Variants in ZNF471 observed in about 807,000 individuals in gnomAD.
The protein encoded by ZNF471 is EZFIT-related protein 1.
A neutral mutation model predicts 13.7 loss-of-function variants in ZNF471; 7 were observed. That is an observed-to-expected ratio of 0.51 (90% CI 0.29 to 0.96). The LOEUF (loss-of-function observed/expected upper bound fraction) is 0.96. Ranked by LOEUF, ZNF471 falls within the 40% of genes least tolerant of loss-of-function variation. The pLI, the probability that ZNF471 is intolerant of heterozygous loss-of-function variation, is 0.08. For missense variants in ZNF471, 663 were observed against 743.3 expected, an observed-to-expected ratio of 0.89 and a Z score of 1.26; for synonymous variants, 218 against 235.6, an observed-to-expected ratio of 0.93 and a Z score of 0.68.
rs367966722 is a variant in ZNF471, at chr19:56,516,227, T to C, written c.34-48T>C. The C allele has an allele frequency of 2.5e-6, 4 of 1,598,624 alleles. No individual in the cohort carries two copies. The African/African-American group carries it at 4.0e-5, about 16-fold the overall frequency. On this transcript the variant is annotated intron_variant, in intron 2 of 4. Coordinates refer to ENST00000308031, the MANE Select transcript of ZNF471 (RefSeq NM_020813.4). This position sits in a 1 kb window ranked among gnomAD's most constrained non-coding sequence, Gnocchi z 4.4. ...GACACTTTGGATCAACTCAGAGTTATCTTTGGACACGAGCATTGGTTGGTT... is the reference window on the plus strand; with the variant it reads ...GACACTTTGGATCAACTCAGAGTTACCTTTGGACACGAGCATTGGTTGGTT...
Position 56,522,544 on chromosome 19 carries a change from G to A in ZNF471, c.257-1780G>A, listed in dbSNP as rs2043987717. Among the ~76,000 whole-genome samples, 1 of 152,042 alleles carries A rather than the reference G, an allele frequency of 6.6e-6. No individual in the cohort carries two copies. The highest frequency in any genetic ancestry group is 1.5e-5 in the Non-Finnish European group (1 of 68,010). On this transcript the variant is annotated intron_variant, in intron 4 of 4. Coordinates refer to ENST00000308031, the MANE Select transcript of ZNF471 (RefSeq NM_020813.4). The surrounding 1 kb of genome is among the most constrained non-coding windows in gnomAD (Gnocchi z 4.1). ...TTGCTTAGGAAATATTGGATTAGTCGATGATTTGCTATGGATGACATAGAA... is the reference window on the plus strand; with the variant it reads ...TTGCTTAGGAAATATTGGATTAGTCAATGATTTGCTATGGATGACATAGAA...
At position 56,524,669 on chromosome 19, in the gene ZNF471, T is replaced by C. The variant is rs1316616047; in HGVS notation, c.602T>C (p.Val201Ala). Residue 201 changes from valine to alanine, a missense_variant, in exon 5 of 5, where the codon GTA (valine) becomes GCA (alanine). By Grantham distance (64) the Val-to-Ala change is moderately conservative. Transcript: ENST00000308031. This position sits in a 1 kb window ranked among gnomAD's most constrained non-coding sequence, Gnocchi z 4.8. ...GTAATAAAACACAAGAAAGTCTATG[T>C]AGGAAAGAAGCTTTTTAAATGTAAT... ...SMVIKHKKVY[V>A]GKKLFKCNEC... 6.3e-7 allele frequency: 1 copy of C among 1,581,066 alleles called. No individual in the cohort carries two copies.
At position 56,518,596 on chromosome 19, in the gene ZNF471, G is replaced by T. The variant is rs772172737; in HGVS notation, c.256+19G>T. ...TTCTCAGGTGAGTGTGGAAGAACCA[G>T]AGAGGGGAATCTTTTTGACATAATG... On this transcript the variant is annotated intron_variant, in intron 4 of 4. Coordinates refer to ENST00000308031, the MANE Select transcript of ZNF471 (RefSeq NM_020813.4). The T allele has an allele frequency of 1.9e-5, 31 of 1,602,772 alleles. No homozygotes were observed. Among genetic ancestry groups the T allele is most frequent in the Non-Finnish European group, 2.6e-5 (30 of 1,172,750 alleles).
chr19:56,520,617 G>A (rs994059117), intron 4 of ZNF471, among the ~76,000 whole-genome samples: 1 of 152,140 alleles, frequency 6.6e-6, no homozygotes, highest in East Asian at 1.9e-4. Flanking sequence ...GACCTTGGGA[G>A]GTGATTAGGT....
In ZNF471 at chr19:56,516,361, G is replaced by A; in HGVS notation, c.120G>A (p.Arg40=). 1 of 1,613,854 alleles carries A rather than the reference G, an allele frequency of 6.2e-7. No individual in the cohort carries two copies. Among genetic ancestry groups the A allele is most frequent in the Non-Finnish European group, 8.5e-7 (1 of 1,179,814 alleles). The change falls in exon 3 of 5, where the codon AGG becomes AGA. Residue 40 remains arginine (R), a synonymous_variant. Transcript: ENST00000308031. This position sits in a 1 kb window ranked among gnomAD's most constrained non-coding sequence, Gnocchi z 4.4. ...WMNPAQKRLY[R]SMMLENYQSL... ...ACCCTGCTCAGAAGCGTTTATACAG[G>A]AGTATGATGTTGGAGAACTATCAGA... is the stretch of plus-strand genomic sequence containing the variant.
In ZNF471 at chr19:56,525,515, G is replaced by T; in HGVS notation, c.1448G>T (p.Gly483Val). The change falls in exon 5 of 5, where the codon GGT (glycine) becomes GTT (valine). Residue 483 changes from glycine (G) to valine (V), a missense_variant. Physicochemically the swap from Gly to Val is moderately radical, Grantham distance 109. Transcript: ENST00000308031. ...GTTAGTCATTTGAGAATTCATACTG[G>T]TGAAAAACCCTATGAATGTAAAGAA... The part of the protein sequence containing the change: ...HLVSHLRIHT[G>V]EKPYECKECG... 6.2e-7 allele frequency: 1 copy of T among 1,614,096 alleles called. No individual in the cohort carries two copies.
chr19:56,524,818 C>T lies in ZNF471; in HGVS notation c.751C>T (p.Gln251Ter), dbSNP rs1322867798. ...KAFKQRQHLA[Q>*]HHRTHTGEKL... ...CTTCAAGCAAAGGCAACACCTTGCTCAACATCACAGAACACATACTGGAGA... is the reference window on the plus strand; with the variant it reads ...CTTCAAGCAAAGGCAACACCTTGCTTAACATCACAGAACACATACTGGAGA... Residue 251 changes from glutamine to a stop codon, truncating the protein, a stop_gained, in exon 5 of 5, where the codon CAA (glutamine) becomes TAA (stop). Coordinates refer to ENST00000308031, the MANE Select transcript of ZNF471 (RefSeq NM_020813.4). LOFTEE classifies it low-confidence loss of function (END_TRUNC). The surrounding 1 kb of genome is among the most constrained non-coding windows in gnomAD (Gnocchi z 4.8). The T allele has an allele frequency of 3.1e-6, 5 of 1,612,902 alleles. No homozygotes were observed. In the South Asian group the frequency reaches 3.3e-5, roughly 11 times the overall value.
intron 4 of ZNF471, among the ~76,000 whole-genome samples, chr19:56,521,561 C>A (rs1303865807): frequency 6.7e-6 from 1 of 149,032 alleles, no homozygotes; most frequent in Non-Finnish European, 1.5e-5. Flanking sequence ...ATGGCATGAA[C>A]CCGGGAGGCA....
At chr19:56,521,109 G>A (rs1348973886) in intron 4 of ZNF471, among the ~76,000 whole-genome samples, 1 of 152,046 alleles carries the variant, frequency 6.6e-6, no homozygotes, top group Non-Finnish European at 1.5e-5. Flanking sequence ...GAACAGTATG[G>A]GGGAAACTGC....
At chr19:56,513,805 T>C (rs1426165635) in intron 2 of ZNF471, among the ~76,000 whole-genome samples, 3 of 152,020 alleles carry the variant, frequency 2.0e-5, no homozygotes, top group African/African-American at 4.8e-5. Flanking sequence ...TTTTAAAAGA[T>C]AGTTTGAAGC....
At chr19:56,514,912 T>G (rs2043860884) in intron 2 of ZNF471, among the ~76,000 whole-genome samples, 1 of 150,172 alleles carries the variant, frequency 6.7e-6, no homozygotes, top group Non-Finnish European at 1.5e-5. Flanking sequence ...CCTCATTTAT[T>G]TATTTAGTCT....
chr19:56,508,024 C>G lies in ZNF471; in HGVS notation c.-56+104C>G. 1.0e-6 allele frequency: 1 copy of G among 985,748 alleles called. No individual in the cohort carries two copies. The highest frequency in any genetic ancestry group is 1.2e-6 in the Non-Finnish European group (1 of 830,134). The allele number at this position is 985,748 out of a possible 1,614,324, so 61.1% of individuals were successfully genotyped here. ...GGTCGCGAAGGCCCAGCCGCGTCCT[C>G]TGTCCCCAGGACGACTACATTTCCC... On this transcript the variant is annotated intron_variant, in intron 1 of 4. Transcript: ENST00000308031. The surrounding 1 kb of genome is among the most constrained non-coding windows in gnomAD (Gnocchi z 4.7).
In ZNF471 at chr19:56,524,765, C is replaced by G; in HGVS notation, c.698C>G (p.Pro233Arg). 6.2e-7 allele frequency: 1 copy of G among 1,612,190 alleles called. No individual in the cohort carries two copies. Among genetic ancestry groups the G allele is most frequent in the Non-Finnish European group, 8.5e-7 (1 of 1,179,356 alleles). ...VHFRIHTGEK[P>R]YACEECGKAF... Reference sequence around the variant, plus strand: ...TTTAGAATTCATACTGGTGAAAAACCATATGCATGTGAGGAATGTGGAAAA... The same window carrying G: ...TTTAGAATTCATACTGGTGAAAAACGATATGCATGTGAGGAATGTGGAAAA... Residue 233 changes from proline (P) to arginine (R), a missense_variant, in exon 5 of 5, where the codon CCA becomes CGA. Physicochemically the swap from Pro to Arg is moderately radical, Grantham distance 103. Coordinates refer to ENST00000308031, the MANE Select transcript of ZNF471 (RefSeq NM_020813.4). The surrounding 1 kb of genome is among the most constrained non-coding windows in gnomAD (Gnocchi z 4.8).
rs1320626645 is a variant in ZNF471, at chr19:56,516,302, A to G, written c.61A>G (p.Ile21Val). 6.2e-7 allele frequency: 1 copy of G among 1,613,830 alleles called. No individual in the cohort carries two copies. The highest frequency in any genetic ancestry group is 8.5e-7 in the Non-Finnish European group (1 of 1,179,800). ...QDLVTFKDVA[I>V]DFSQEEWQWM... ...CTTAGTGACATTCAAGGATGTGGCA[A>G]TAGATTTTTCCCAGGAAGAATGGCA... Residue 21 changes from isoleucine to valine, a missense_variant, in exon 3 of 5, where the codon ATA (isoleucine) becomes GTA (valine). Transcript: ENST00000308031. The surrounding 1 kb of genome is among the most constrained non-coding windows in gnomAD (Gnocchi z 4.4).
intron 1 of ZNF471, 64 bp from the exon 2 acceptor site, chr19:56,511,453 G>C (rs1047185620): frequency 6.3e-6 from 8 of 1,275,522 alleles, no homozygotes; most frequent in Non-Finnish European, 7.7e-6. Flanking sequence ...ACAGTTTTAG[G>C]CTAGTGATTC....
Position 56,525,533 on chromosome 19 carries a change from G to A in ZNF471, c.1466G>A (p.Cys489Tyr), listed in dbSNP as rs555600680. The change falls in exon 5 of 5, where the codon TGT (cysteine) becomes TAT (tyrosine). Residue 489 changes from cysteine to tyrosine, a missense_variant. By Grantham distance (194) the Cys-to-Tyr change is radical. Coordinates refer to ENST00000308031, the MANE Select transcript of ZNF471 (RefSeq NM_020813.4). ...RIHTGEKPYE[C>Y]KECGKAFRIS... Reference sequence around the variant, plus strand: ...CATACTGGTGAAAAACCCTATGAATGTAAAGAATGTGGAAAAGCTTTTAGA... The same window carrying A: ...CATACTGGTGAAAAACCCTATGAATATAAAGAATGTGGAAAAGCTTTTAGA... The A allele has an allele frequency of 6.2e-7, 1 of 1,614,094 alleles. No individual in the cohort carries two copies. Among genetic ancestry groups the A allele is most frequent in the African/African-American group, 1.3e-5 (1 of 75,024 alleles).
At position 56,522,636 on chromosome 19, in the gene ZNF471, C is replaced by T. The variant is rs1352938580; in HGVS notation, c.257-1688C>T. ...CCCTCAGGTTTTCTCTCAGTATCATCTCTTCAATACAAATTTCTTTATATT... is the reference window on the plus strand; with the variant it reads ...CCCTCAGGTTTTCTCTCAGTATCATTTCTTCAATACAAATTTCTTTATATT... On this transcript the variant is annotated intron_variant, in intron 4 of 4. Coordinates refer to ENST00000308031, the MANE Select transcript of ZNF471 (RefSeq NM_020813.4). This position sits in a 1 kb window ranked among gnomAD's most constrained non-coding sequence, Gnocchi z 4.1. Among the ~76,000 whole-genome samples the T allele has an allele frequency of 6.6e-6, 1 of 152,116 alleles. No homozygotes were observed. The highest frequency in any genetic ancestry group is 1.5e-5 in the Non-Finnish European group (1 of 68,030).
chr19:56,521,285 G>C (rs1009054521), intron 4 of ZNF471, among the ~76,000 whole-genome samples: 9 of 152,128 alleles, frequency 5.9e-5, no homozygotes, highest in African/African-American at 1.7e-4. Context: ...ATTATGGACT[G>C]CATATAAGAC....
At chr19:56,521,638 C>CAA (rs372849279) in intron 4 of ZNF471, among the ~76,000 whole-genome samples, 6,217 of 81,526 alleles carry the variant, frequency 0.076, 385 homozygotes, top group African/African-American at 0.15. Flanking sequence ...GACTCTGTCT[C>CAA]AAAAAAAAAA....
Sources: gnomAD v4.1 joint callset for allele counts (sites outside exome capture counted in the v4.1 genomes callset) on GRCh38, gnomAD v4.1.1 for gene constraint, Gnocchi (gnomAD v3.1) non-coding constraint, MANE v1.5 for transcripts, NCBI Gene and HGNC (gene_info 2026-07-23, HGNC 2026-07-21) for gene names.